The following NAALADL2 variants were observed in gnomAD, a reference collection of about 807,000 sequenced individuals.
NAALADL2 encodes inactive N-acetylated-alpha-linked acidic dipeptidase-like protein 2.
In NAALADL2, 76 loss-of-function variants were observed where a neutral mutation model predicts 87.2. The observed-to-expected ratio is 0.87, with a 90% CI of 0.72 to 1.05. The LOEUF is 1.05. Ranked by LOEUF, NAALADL2 falls within the 50% of genes least tolerant of loss-of-function variation. NAALADL2 has a pLI of 0.00. For missense variants in NAALADL2, 1,089 were observed against 945.8 expected (o/e 1.15, Z -1.99); for synonymous variants, 354 against 331.0 (o/e 1.07, Z -0.75).
chr3:174,717,694 T>C (rs933237996), intron 2 of NAALADL2, among the ~76,000 whole-genome samples: 1 of 152,240 alleles, frequency 6.6e-6, no homozygotes, highest in African/African-American at 2.4e-5. Context: ...ATGCTCATGA[T>C]TTCCTTCTGG....
chr3:175,492,331 C>T (rs1728219386), intron 9 of NAALADL2, among the ~76,000 whole-genome samples: 1 of 152,080 alleles, frequency 6.6e-6, no homozygotes, highest in Non-Finnish European at 1.5e-5. Flanking sequence ...AAATGAAGCC[C>T]TTGAAGTTGA....
chr3:175,230,311 A>G (rs1158317728), intron 2 of NAALADL2, among the ~76,000 whole-genome samples: 3 of 152,086 alleles, frequency 2.0e-5, no homozygotes, highest in Non-Finnish European at 4.4e-5. Flanking sequence ...TAAAAGCTCT[A>G]TGCATTAAAA....
In NAALADL2 at chr3:174,599,377, T is replaced by A. The variant is rs555070896; in HGVS notation, c.-115+48740T>A. On this transcript the variant is annotated intron_variant, in intron 2 of 3. Coordinates refer to the NAALADL2 transcript ENST00000434257. ...TCCCTAACTAGGAGAAAACTGACCT[T>A]CTAGATGGTGAATTGATGGTTCTTC... Among the ~76,000 whole-genome samples, 8 of 152,254 alleles carry A rather than the reference T, an allele frequency of 5.3e-5. No individual in the cohort carries two copies. In the East Asian group the frequency reaches 1.5e-3, roughly 29 times the overall value.
chr3:174,827,810 T>C (rs1480231053), intron 3 of NAALADL2, among the ~76,000 whole-genome samples: 1 of 152,184 alleles, frequency 6.6e-6, no homozygotes, highest in East Asian at 1.9e-4. Flanking sequence ...TACCATCCAA[T>C]TGTAGCAAAC....
intron 6 of NAALADL2, among the ~76,000 whole-genome samples, chr3:175,453,332 G>A (rs1343996192): frequency 6.6e-6 from 1 of 152,014 alleles, no homozygotes; most frequent in Non-Finnish European, 1.5e-5. Flanking sequence ...CACTGCCTTT[G>A]TGTTTCTATA....
chr3:175,210,760 G>A (rs895417926), intron 2 of NAALADL2, among the ~76,000 whole-genome samples: 1 of 151,480 alleles, frequency 6.6e-6, no homozygotes, highest in African/African-American at 2.4e-5. Flanking sequence ...GTAAAAAAAA[G>A]CATGGTTCCT....
intron 4 of NAALADL2, among the ~76,000 whole-genome samples, chr3:175,311,646 C>T (rs1460633672): frequency 1.3e-5 from 2 of 148,654 alleles, no homozygotes; most frequent in African/African-American, 5.0e-5. Context: ...ATCCCTTCCT[C>T]TCTCCCTCCC....
At chr3:174,666,848 T>G (rs1203034747) in intron 2 of NAALADL2, among the ~76,000 whole-genome samples, 1 of 152,092 alleles carries the variant, frequency 6.6e-6, no homozygotes, top group African/African-American at 2.4e-5. Context: ...TTCTACAACC[T>G]CCAGCCCCTG....
In NAALADL2 at chr3:175,806,299, G is replaced by T. The variant is rs6779251; in HGVS notation, c.*3096G>T. 1 of 151,642 alleles carries T rather than the reference G, an allele frequency of 6.6e-6. No homozygotes were observed. The highest frequency in any genetic ancestry group is 1.9e-4 in the East Asian group (1 of 5,150). 9.4% of individuals were successfully genotyped at this position (151,642 alleles called of 1,614,324 possible). A position where few individuals can be genotyped will look rare whatever the true frequency, so the allele number is the denominator to read the frequency against. On this transcript the variant is annotated 3_prime_UTR_variant, in exon 14 of 14. Transcript: ENST00000454872. Reference sequence around the variant, plus strand: ...ACAGAACACCAGAAGTCAGGAAGAAGGACATTGAGCAAAATATATCTGTAA... The same window carrying T: ...ACAGAACACCAGAAGTCAGGAAGAATGACATTGAGCAAAATATATCTGTAA...
chr3:175,680,758 A>C (rs1276527353), intron 11 of NAALADL2, among the ~76,000 whole-genome samples: 2 of 152,192 alleles, frequency 1.3e-5, no homozygotes, highest in African/African-American at 2.4e-5. Context: ...ACTAGCTTAA[A>C]TTTCTTCCAT....
intron 1 of NAALADL2, among the ~76,000 whole-genome samples, chr3:174,502,267 T>C (rs1011609153): frequency 2.0e-5 from 3 of 152,230 alleles, no homozygotes; most frequent in African/African-American, 4.8e-5. Flanking sequence ...AGGTTAACCA[T>C]GCTTAAAAAG....
At chr3:175,010,165 A>G (rs1033904553) in intron 1 of NAALADL2, among the ~76,000 whole-genome samples, 5 of 152,148 alleles carry the variant, frequency 3.3e-5, no homozygotes, top group Admixed American at 6.6e-5. Context: ...AACTTGGCCA[A>G]TAATGTTGCT....
At chr3:174,766,222 G>C (rs1334481455) in intron 3 of NAALADL2, among the ~76,000 whole-genome samples, 2 of 152,098 alleles carry the variant, frequency 1.3e-5, no homozygotes, top group African/African-American at 4.8e-5. Flanking sequence ...TTATTGGGCT[G>C]GTTTTGTCTT....
intron 2 of NAALADL2, among the ~76,000 whole-genome samples, chr3:174,658,913 C>T (rs1216131241): frequency 6.6e-6 from 1 of 152,146 alleles, no homozygotes; most frequent in Non-Finnish European, 1.5e-5. Context: ...CGACATCATT[C>T]TAAGACTCCA....
chr3:175,452,378 T>C (rs6766320), intron 6 of NAALADL2, among the ~76,000 whole-genome samples: 131,495 of 152,088 alleles, frequency 0.86, 57,020 homozygotes, highest in East Asian at 0.97. Flanking sequence ...TTTTTGGCCA[T>C]AACAAAACTA....
At chr3:174,633,095 A>G (rs1316387961) in intron 2 of NAALADL2, among the ~76,000 whole-genome samples, 1 of 152,044 alleles carries the variant, frequency 6.6e-6, no homozygotes, top group Non-Finnish European at 1.5e-5. Flanking sequence ...TGATCATGGA[A>G]CTAGCATGTG....
chr3:175,687,415 G>A (rs1736443948), intron 11 of NAALADL2, among the ~76,000 whole-genome samples: 1 of 152,106 alleles, frequency 6.6e-6, no homozygotes, highest in Admixed American at 6.6e-5. Context: ...ACATGTTATT[G>A]TTTATGCATA....
At chr3:175,665,215 A>G (rs1371427491) in intron 11 of NAALADL2, among the ~76,000 whole-genome samples, 1 of 152,214 alleles carries the variant, frequency 6.6e-6, no homozygotes, top group Non-Finnish European at 1.5e-5. Flanking sequence ...ATTGTATGCA[A>G]GGTGACACAG....
intron 3 of NAALADL2, among the ~76,000 whole-genome samples, chr3:174,838,082 C>A (rs116406664): frequency 0.013 from 1,847 of 138,882 alleles, 26 homozygotes; most frequent in Non-Finnish European, 0.018. Context: ...AACACAGACA[C>A]TAAAATCCTT....
Sources: gnomAD v4.1 joint callset for allele counts (sites outside exome capture counted in the v4.1 genomes callset) on GRCh38, gnomAD v4.1.1 for gene constraint, MANE v1.5 for transcripts, NCBI Gene and HGNC (gene_info 2026-07-23, HGNC 2026-07-21) for gene names.